PTPRD: variants seen among roughly 807,000 people sequenced by gnomAD.
PTPRD encodes protein tyrosine phosphatase receptor type D, also known as receptor-type tyrosine-protein phosphatase delta.
PTPRD carries 34 observed loss-of-function variants against 214.5 expected under a neutral mutation model. That is an observed-to-expected ratio of 0.16 (90% CI 0.12 to 0.21). The LOEUF is 0.21. Among genes scored for constraint, PTPRD ranks in the 10% least tolerant of loss-of-function variants. The probability of loss-of-function intolerance (pLI) is 1.00; values close to 1 mark genes in which losing one functional copy is unlikely to be tolerated. For missense variants in PTPRD, 2,545 were observed against 2,398.7 expected, an observed-to-expected ratio of 1.06 and a Z score of -1.27; for synonymous variants, 1,128 against 845.7, an observed-to-expected ratio of 1.33 and a Z score of -5.79.
intron 11 of PTPRD, among the ~76,000 whole-genome samples, chr9:8,886,382 G>C (rs926589104): frequency 2.0e-5 from 3 of 152,068 alleles, no homozygotes; most frequent in Non-Finnish European, 4.4e-5. Context: ...GGCCTATGCT[G>C]TTATATAAAT....
chr9:9,280,139 C>T (rs960046853), intron 9 of PTPRD, among the ~76,000 whole-genome samples: 2 of 151,240 alleles, frequency 1.3e-5, no homozygotes, highest in African/African-American at 4.8e-5. Flanking sequence ...AAAATCTGCA[C>T]ATGACAAATA....
chr9:10,592,405 T>A (rs62539616), intron 2 of PTPRD, among the ~76,000 whole-genome samples: 21,900 of 151,924 alleles, frequency 0.14, 1,792 homozygotes, highest in Non-Finnish European at 0.19. Flanking sequence ...TCTCCTTTTG[T>A]GAAGAGGGGA....
chr9:10,107,474 T>C (rs2098645773), intron 3 of PTPRD, among the ~76,000 whole-genome samples: 1 of 152,078 alleles, frequency 6.6e-6, no homozygotes, highest in East Asian at 1.9e-4. Flanking sequence ...CCAGAGTTTA[T>C]TGATTAACTT....
intron 14 of PTPRD, among the ~76,000 whole-genome samples, chr9:8,549,628 G>T (rs1005849640): frequency 6.6e-6 from 1 of 152,166 alleles, no homozygotes; most frequent in Non-Finnish European, 1.5e-5. Context: ...TATTTGCCTT[G>T]TGAGGAGGGG....
At chr9:9,417,598 C>A (rs978104329) in intron 8 of PTPRD, among the ~76,000 whole-genome samples, 5 of 151,954 alleles carry the variant, frequency 3.3e-5, no homozygotes, top group Non-Finnish European at 7.4e-5. Context: ...TGAAAGAAAC[C>A]TGAGGGAAGT....
intron 14 of PTPRD, among the ~76,000 whole-genome samples, chr9:8,551,172 G>C (rs1454258792): frequency 6.6e-6 from 1 of 152,072 alleles, no homozygotes; most frequent in East Asian, 1.9e-4. Flanking sequence ...CTAATAACTG[G>C]TAATCCCTTC....
At chr9:8,903,029 A>T (rs945798712) in intron 11 of PTPRD, among the ~76,000 whole-genome samples, 1 of 152,222 alleles carries the variant, frequency 6.6e-6, no homozygotes, top group Non-Finnish European at 1.5e-5. Flanking sequence ...TGTTCAAATT[A>T]TCTTGAATAA....
chr9:10,251,603 C>T (rs2498608), intron 3 of PTPRD, among the ~76,000 whole-genome samples: 21,217 of 152,090 alleles, frequency 0.14, 1,536 homozygotes, highest in Admixed American at 0.15. Context: ...TATAATAAAT[C>T]ACACAGAACA....
chr9:9,833,603 TA>T (rs1175644690), intron 5 of PTPRD, among the ~76,000 whole-genome samples: 1 of 98,966 alleles, frequency 1.0e-5, no homozygotes, highest in African/African-American at 4.6e-5. Context: ...CTCTTCCTAA[TA>T]AGCGTGGGAG....
chr9:8,713,491 A>G, intron 12 of PTPRD: 2 of 1,132,320 alleles, frequency 1.8e-6, no homozygotes, highest in Non-Finnish European at 2.7e-6. Flanking sequence ...TTCAGGGGAG[A>G]CTGTCTACTG....
chr9:8,517,193 T>C (rs2138382595), intron 21 of PTPRD, among the ~76,000 whole-genome samples: 1 of 152,228 alleles, frequency 6.6e-6, no homozygotes, highest in South Asian at 2.1e-4. Flanking sequence ...AGAGGTTTGA[T>C]AACCTCTTAG....
chr9:9,735,513 T>C (rs1211398130), intron 6 of PTPRD, among the ~76,000 whole-genome samples: 1 of 152,124 alleles, frequency 6.6e-6, no homozygotes, highest in Non-Finnish European at 1.5e-5. Flanking sequence ...AATATGTGTC[T>C]GCATCTTACT....
Position 10,057,618 on chromosome 9 carries a change from G to A in PTPRD, c.-544-23828C>T, listed in dbSNP as rs373414011. Among the ~76,000 whole-genome samples the A allele has an allele frequency of 2.6e-5, 4 of 152,240 alleles. No individual in the cohort carries two copies. The South Asian group carries it at 6.2e-4, about 24-fold the overall frequency. ...CCCAGCACTTGGGAGGTCAAGGCGG[G>A]TGGATCACGAGGTCAGGAGTTACAG... On this transcript the variant is annotated intron_variant, in intron 3 of 45. Transcript: ENST00000381196.
chr9:9,602,370 T>C (rs1165465540), intron 7 of PTPRD, among the ~76,000 whole-genome samples: 1 of 152,032 alleles, frequency 6.6e-6, no homozygotes, highest in Non-Finnish European at 1.5e-5. Context: ...ATATTTAATT[T>C]ATATTTTTAA....
chr9:9,213,511 T>TG (rs2099950149), intron 9 of PTPRD, among the ~76,000 whole-genome samples: 3 of 138,522 alleles, frequency 2.2e-5, no homozygotes, highest in African/African-American at 4.9e-5. Flanking sequence ...CCTGTTTTCC[T>TG]GGTTTTTTGT....
At chr9:9,472,811 C>G (rs2094718461) in intron 8 of PTPRD, among the ~76,000 whole-genome samples, 1 of 152,098 alleles carries the variant, frequency 6.6e-6, no homozygotes, top group Admixed American at 6.6e-5. Context: ...TTCAACTCAT[C>G]TTATCCATTT....
At chr9:8,379,267 T>C (rs2084212457) in intron 37 of PTPRD, among the ~76,000 whole-genome samples, 2 of 152,194 alleles carry the variant, frequency 1.3e-5, no homozygotes, top group African/African-American at 2.4e-5. Flanking sequence ...GCCTCAGCAG[T>C]GGGATTAGAA....
chr9:9,846,699 G>A (rs889674756), intron 5 of PTPRD, among the ~76,000 whole-genome samples: 1 of 152,078 alleles, frequency 6.6e-6, no homozygotes, highest in African/African-American at 2.4e-5. Flanking sequence ...TTGTTATTCT[G>A]CCAAACACCA....
intron 3 of PTPRD, among the ~76,000 whole-genome samples, chr9:10,304,534 T>A (rs946801553): frequency 1.2e-4 from 19 of 152,248 alleles, no homozygotes; most frequent in African/African-American, 4.6e-4. Flanking sequence ...GCCCTATATC[T>A]CCTTAAGCTG....
Sources: gnomAD v4.1 joint callset for allele counts (sites outside exome capture counted in the v4.1 genomes callset) on GRCh38, gnomAD v4.1.1 for gene constraint, MANE v1.5 for transcripts, NCBI Gene and HGNC (gene_info 2026-07-23, HGNC 2026-07-21) for gene names.